ZNF169: variants seen among roughly 807,000 people sequenced by gnomAD.
ZNF169 encodes the protein zinc finger protein 169.
In ZNF169, 11 loss-of-function variants were observed where a neutral mutation model predicts 12.0. The ratio of observed to expected loss-of-function variants is 0.92; its 90% confidence interval spans 0.58 to 1.52. ZNF169 has a LOEUF of 1.52. Among genes scored for constraint, ZNF169 ranks in the 40% most tolerant of loss-of-function variants. The probability of loss-of-function intolerance (pLI) is 0.00; values close to 1 mark genes in which losing one functional copy is unlikely to be tolerated. For synonymous variants in ZNF169, 302 were observed against 286.5 expected, an observed-to-expected ratio of 1.05 and a Z score of -0.55; for missense variants, 722 against 744.0, an observed-to-expected ratio of 0.97 and a Z score of 0.34.
Position 94,301,320 on chromosome 9 carries a change from C to CA in ZNF169, c.1763dup (p.His588GlnfsTer144). On this transcript the variant is annotated frameshift_variant, in exon 5 of 5. Coordinates refer to ENST00000395395, the MANE Select transcript of ZNF169 (RefSeq NM_194320.4). LOFTEE classifies it low-confidence loss of function (END_TRUNC). Reference sequence around the variant, plus strand: ...TAGCCAGAAGTCTCACTTGCATAGACACAGGAGGACCAAGTCTGGTCATCA... The same window carrying CA: ...TAGCCAGAAGTCTCACTTGCATAGACAACAGGAGGACCAAGTCTGGTCATCA... 3 of 1,614,156 alleles carry CA rather than the reference C, an allele frequency of 1.9e-6. No individual in the cohort carries two copies. The highest frequency in any genetic ancestry group is 2.5e-6 in the Non-Finnish European group (3 of 1,180,002).
Position 94,300,673 on chromosome 9 carries a change from G to C in ZNF169, c.1115G>C (p.Arg372Thr). ...CACCAGAGCTCACACACAGGGGAGA[G>C]GCCCTTCCTGTGCCTTGAGTGTGGG... ...LQHQSSHTGE[R>T]PFLCLECGRS... is the part of the protein sequence containing the mutation. The change falls in exon 5 of 5, where the codon AGG becomes ACG. Residue 372 changes from arginine to threonine, a missense_variant. By Grantham distance (71) the Arg-to-Thr change is moderately conservative. Coordinates refer to ENST00000395395, the MANE Select transcript of ZNF169 (RefSeq NM_194320.4). 1.2e-6 allele frequency: 2 copies of C among 1,604,920 alleles called. No homozygotes were observed. Among genetic ancestry groups the C allele is most frequent in the Non-Finnish European group, 1.7e-6 (2 of 1,176,816 alleles).
rs754242097 is a variant in ZNF169, at chr9:94,300,145, G to T, written c.587G>T (p.Gly196Val). The change falls in exon 5 of 5, where the codon GGG becomes GTG. Residue 196 changes from glycine to valine, a missense_variant. Transcript: ENST00000395395. ...CTGGCCCAAAGGATGAGTCTTGGGG[G>T]GTCAGACACAATGTTGAAGGGAGCA... Reference protein sequence around the residue: ...LRLAQRMSLGGSDTMLKGADT... With the variant: ...LRLAQRMSLGVSDTMLKGADT... The T allele has an allele frequency of 7.4e-6, 12 of 1,614,042 alleles. No homozygotes were observed. The highest frequency in any genetic ancestry group is 9.3e-6 in the Non-Finnish European group (11 of 1,180,044).
chr9:94,297,750 G>A lies in ZNF169; in HGVS notation c.257-2065G>A, dbSNP rs550461889. Among the ~76,000 whole-genome samples, 19 of 152,354 alleles carry A rather than the reference G, an allele frequency of 1.2e-4. No individual in the cohort carries two copies. In the South Asian group the frequency reaches 3.9e-3, roughly 32 times the overall value. ...GTCTGCCTTGAACCAAGGGTCTTCT[G>A]TTAAGTAGTTTAATTCCATTAAATT... On this transcript the variant is annotated intron_variant, in intron 4 of 4. Transcript: ENST00000395395.
intron 1 of ZNF169, among the ~76,000 whole-genome samples, chr9:94,268,785 CA>C (rs58102758): frequency 0.031 from 3,523 of 113,224 alleles, 125 homozygotes; most frequent in African/African-American, 0.097. Flanking sequence ...GACTCCATTT[CA>C]AAAAAAAAAA....
chr9:94,278,728 A>C, intron 1 of ZNF169, 30 bp from the exon 2 acceptor site: 6 of 1,293,232 alleles, frequency 4.6e-6, no homozygotes, highest in Non-Finnish European at 6.7e-6. Context: ...CTTCCCAAGT[A>C]CCTCTCTCAC....
intron 2 of ZNF169, among the ~76,000 whole-genome samples, chr9:94,281,869 A>G (rs975368453): frequency 2.6e-5 from 4 of 152,212 alleles, no homozygotes; most frequent in Non-Finnish European, 1.5e-5. Flanking sequence ...ACCAAGTTTT[A>G]TTGTGCAGAA....
intron 1 of ZNF169, among the ~76,000 whole-genome samples, chr9:94,263,671 G>A (rs535308218): frequency 2.6e-5 from 4 of 152,016 alleles, no homozygotes; most frequent in African/African-American, 9.7e-5. Context: ...TTACAGGCAT[G>A]AGCCACCGTG....
intron 1 of ZNF169, among the ~76,000 whole-genome samples, chr9:94,260,249 C>T (rs941841401): frequency 6.6e-5 from 10 of 152,138 alleles, no homozygotes; most frequent in Non-Finnish European, 1.3e-4. Flanking sequence ...GACGGGGTTT[C>T]ACCATGTTGG....
intron 1 of ZNF169, among the ~76,000 whole-genome samples, chr9:94,262,793 C>T (rs937257841): frequency 1.6e-4 from 24 of 152,278 alleles, no homozygotes; most frequent in African/African-American, 5.5e-4. Flanking sequence ...CACTCATTAC[C>T]CTATCTCTCT....
In ZNF169 at chr9:94,300,687, C is replaced by T; in HGVS notation, c.1129C>T (p.Leu377Phe). 1 of 1,613,990 alleles carries T rather than the reference C, an allele frequency of 6.2e-7. No homozygotes were observed. Among genetic ancestry groups the T allele is most frequent in the Non-Finnish European group, 8.5e-7 (1 of 1,179,956 alleles). ...SHTGERPFLC[L>F]ECGRSFRQQS... Reference sequence around the variant, plus strand: ...CACAGGGGAGAGGCCCTTCCTGTGCCTTGAGTGTGGGCGTAGCTTCAGGCA... The same window carrying T: ...CACAGGGGAGAGGCCCTTCCTGTGCTTTGAGTGTGGGCGTAGCTTCAGGCA... Residue 377 changes from leucine to phenylalanine, a missense_variant, in exon 5 of 5, where the codon CTT (leucine) becomes TTT (phenylalanine). Coordinates refer to ENST00000395395, the MANE Select transcript of ZNF169 (RefSeq NM_194320.4).
At chr9:94,265,304 G>A (rs1243353225) in intron 1 of ZNF169, among the ~76,000 whole-genome samples, 2 of 152,038 alleles carry the variant, frequency 1.3e-5, no homozygotes, top group African/African-American at 4.8e-5. Context: ...GTTTTGCCAG[G>A]CGCAGTGGCT....
intron 1 of ZNF169, among the ~76,000 whole-genome samples, chr9:94,263,985 C>T (rs1437590567): frequency 1.3e-5 from 2 of 151,986 alleles, no homozygotes; most frequent in African/African-American, 2.4e-5. Context: ...TATGTAATGT[C>T]GAACAACTTC....
chr9:94,273,403 T>G (rs1032432338), intron 1 of ZNF169, among the ~76,000 whole-genome samples: 3 of 151,816 alleles, frequency 2.0e-5, no homozygotes, highest in Non-Finnish European at 4.4e-5. Context: ...ACTTTTTAAT[T>G]CTCTATAGTT....
At chr9:94,283,572 A>G (rs1188348681) in intron 2 of ZNF169, among the ~76,000 whole-genome samples, 1 of 152,184 alleles carries the variant, frequency 6.6e-6, no homozygotes, top group Non-Finnish European at 1.5e-5. Context: ...TAGTGGTGAG[A>G]GAGTACTATA....
intron 1 of ZNF169, among the ~76,000 whole-genome samples, chr9:94,260,586 C>T (rs1241239378): frequency 6.6e-6 from 1 of 151,990 alleles, no homozygotes; most frequent in East Asian, 1.9e-4. Context: ...TTAGACATCC[C>T]TGGGTTGTGG....
chr9:94,278,857 A>C lies in ZNF169; in HGVS notation c.33+12A>C. 6.2e-7 allele frequency: 1 copy of C among 1,613,670 alleles called. No homozygotes were observed. Among genetic ancestry groups the C allele is most frequent in the Non-Finnish European group, 8.5e-7 (1 of 1,179,796 alleles). ...CAACCAGGAAGGAGGTAAGTCCTGA[A>C]ATTTCTTCCTAGCTATTGCAGGAAG... On this transcript the variant is annotated intron_variant, in intron 2 of 4. Coordinates refer to ENST00000395395, the MANE Select transcript of ZNF169 (RefSeq NM_194320.4).
At chr9:94,271,167 C>T (rs755011280) in intron 1 of ZNF169, among the ~76,000 whole-genome samples, 12 of 149,250 alleles carry the variant, frequency 8.0e-5, no homozygotes, top group Non-Finnish European at 1.8e-4. Context: ...ACGATCATGG[C>T]TCACTGAAGC....
chr9:94,279,681 C>T (rs12003203), intron 2 of ZNF169, among the ~76,000 whole-genome samples: 56,728 of 151,874 alleles, frequency 0.37, 11,021 homozygotes, highest in Middle Eastern at 0.45. Context: ...AATCCTATCC[C>T]TTTTCAGGGA....
chr9:94,261,166 C>T (rs1231512626), intron 1 of ZNF169, among the ~76,000 whole-genome samples: 1 of 151,970 alleles, frequency 6.6e-6, no homozygotes, highest in South Asian at 2.1e-4. Context: ...CTCAGCCTCC[C>T]GAGTAGCTGG....
Sources: gnomAD v4.1 joint callset for allele counts (sites outside exome capture counted in the v4.1 genomes callset) on GRCh38, gnomAD v4.1.1 for gene constraint, MANE v1.5 for transcripts, NCBI Gene and HGNC (gene_info 2026-07-23, HGNC 2026-07-21) for gene names.